AMZ1: variants seen among roughly 807,000 people sequenced by gnomAD.
The protein encoded by AMZ1 is archaelysin family metallopeptidase 1.
In AMZ1, 39 loss-of-function variants were observed where a neutral mutation model predicts 29.9. The ratio of observed to expected loss-of-function variants is 1.30; its 90% CI spans 1.01 to 1.70. The LOEUF (loss-of-function observed/expected upper bound fraction) is 1.70, where lower values mean the gene tolerates loss of function less well. Ranked by LOEUF, AMZ1 falls within the 40% of genes most tolerant of loss-of-function variation. The pLI, the probability that AMZ1 is intolerant of heterozygous loss-of-function variation, is 0.00. For missense variants in AMZ1, 1,041 were observed against 680.6 expected (o/e 1.53, Z -5.89); for synonymous variants, 458 against 304.0 (o/e 1.51, Z -5.27).
intron 4 of AMZ1, among the ~76,000 whole-genome samples, chr7:2,741,737 T>C (rs1170027958): frequency 6.6e-6 from 1 of 151,914 alleles, no homozygotes; most frequent in Non-Finnish European, 1.5e-5. Flanking sequence ...GAGCAAGTTG[T>C]TTACCCCTAA....
rs745552709 is a variant in AMZ1 at position 2,708,667 on chromosome 7, C to T, written c.552C>T (p.Tyr184=). The T allele has an allele frequency of 3.7e-6, 6 of 1,613,192 alleles. No homozygotes were observed. The highest frequency in any genetic ancestry group is 5.1e-6 in the Non-Finnish European group (6 of 1,180,008). ...CVLGLTLSDL[Y]PHEAWSFTFS... ...TGGGCCTCACACTGTCTGACCTGTA[C>T]CCCCATGAGGCCTGGAGCTTCACCT... The change falls in exon 4 of 7, where the codon TAC becomes TAT. Residue 184 remains tyrosine (Y), a synonymous_variant. Coordinates refer to ENST00000683327, the MANE Select transcript of AMZ1 (RefSeq NM_001384743.1).
rs761570592 is a variant in AMZ1, at chr7:2,712,550, C to G, written c.1169C>G (p.Ala390Gly). ...GPEEGLSYLA[A>G]SEAPLPPGGP... ...GAGGAAGGGCTGAGCTACCTGGCAG[C>G]CTCAGAGGCTCCGCTGCCACCTGGG... The change falls in exon 7 of 7, where the codon GCC becomes GGC. Residue 390 changes from alanine (A) to glycine (G), a missense_variant. Ala to Gly is a moderately conservative substitution (Grantham distance 60). Transcript: ENST00000683327. 2 of 1,609,742 alleles carry G rather than the reference C, an allele frequency of 1.2e-6. No homozygotes were observed. The highest frequency in any genetic ancestry group is 3.3e-5 in the Admixed American group (2 of 59,754).
intron 4 of AMZ1, among the ~76,000 whole-genome samples, chr7:2,734,360 C>T (rs1003021683): frequency 2.0e-5 from 3 of 152,234 alleles, no homozygotes; most frequent in Non-Finnish European, 4.4e-5. Flanking sequence ...TTGAACCCTG[C>T]TCTAAAGACA....
At chr7:2,682,999 C>A (rs1355916598) in intron 1 of AMZ1, among the ~76,000 whole-genome samples, 1 of 152,238 alleles carries the variant, frequency 6.6e-6, no homozygotes, top group Non-Finnish European at 1.5e-5. Flanking sequence ...CGCCTGCTGG[C>A]CTTGGAGCAG....
At chr7:2,742,049 T>C (rs188321798) in intron 4 of AMZ1, among the ~76,000 whole-genome samples, 15 of 151,840 alleles carry the variant, frequency 9.9e-5, no homozygotes, top group Admixed American at 9.9e-4. Flanking sequence ...TGAGATGGAG[T>C]CTCACCCTGT....
In AMZ1 at chr7:2,714,900, T is replaced by C. The variant is rs1355595450; in HGVS notation, c.*2022T>C. 4 of 152,192 alleles carry C rather than the reference T, an allele frequency of 2.6e-5. No individual in the cohort carries two copies. The highest frequency in any genetic ancestry group is 5.9e-5 in the Non-Finnish European group (4 of 68,024). 9.4% of individuals were successfully genotyped at this position (152,192 alleles called of 1,614,324 possible). A position where few individuals can be genotyped will look rare whatever the true frequency, so the allele number is the denominator to read the frequency against. On this transcript the variant is annotated 3_prime_UTR_variant, in exon 7 of 7. Coordinates refer to ENST00000683327, the MANE Select transcript of AMZ1 (RefSeq NM_001384743.1). ...GGCTCCTGGTCCCAGTCCCGGAAAA[T>C]GCAAAGGGACAAGTATGTGTTGATT... is the stretch of plus-strand genomic sequence containing the variant.
intron 4 of AMZ1, 106 bp downstream of exon 4, chr7:2,708,822 G>A (rs1322379532): frequency 1.7e-5 from 26 of 1,542,136 alleles, no homozygotes; most frequent in Non-Finnish European, 2.2e-5. Context: ...GCACCCTCCT[G>A]GTGGAAGTCA....
At chr7:2,698,066 C>T (rs1787844235) in intron 1 of AMZ1, among the ~76,000 whole-genome samples, 1 of 152,032 alleles carries the variant, frequency 6.6e-6, no homozygotes, top group Non-Finnish European at 1.5e-5. Flanking sequence ...GGAATATGAG[C>T]ACATATACAT....
At chr7:2,742,420 T>C (rs1790554163) in intron 4 of AMZ1, among the ~76,000 whole-genome samples, 1 of 152,192 alleles carries the variant, frequency 6.6e-6, no homozygotes, top group Non-Finnish European at 1.5e-5. Context: ...TTCCAGTCAG[T>C]GCCACTCCAT....
At chr7:2,757,129 C>CTTTTT (rs71026549) in intron 4 of AMZ1, among the ~76,000 whole-genome samples, 57 of 93,988 alleles carry the variant, frequency 6.1e-4, no homozygotes, top group African/African-American at 2.3e-3. Flanking sequence ...TCAGGTGGGC[C>CTTTTT]TTTTTTTTTT....
intron 4 of AMZ1, chr7:2,728,464 A>G (rs1002820513): frequency 4.6e-5 from 7 of 152,506 alleles, no homozygotes; most frequent in African/African-American, 1.7e-4. Flanking sequence ...AAATCCTTGA[A>G]ACAATTTCTC....
At chr7:2,734,225 C>T (rs147133035) in intron 4 of AMZ1, among the ~76,000 whole-genome samples, 234 of 152,300 alleles carry the variant, frequency 1.5e-3, no homozygotes, top group African/African-American at 5.1e-3. Flanking sequence ...ACACGGGGCA[C>T]GGGAGGAGCC....
chr7:2,682,173 G>C (rs886692760), intron 1 of AMZ1, among the ~76,000 whole-genome samples: 5 of 152,190 alleles, frequency 3.3e-5, no homozygotes, highest in African/African-American at 9.7e-5. Context: ...GCCGGGGCCA[G>C]GGCCAGCTGA....
intron 4 of AMZ1, among the ~76,000 whole-genome samples, chr7:2,735,020 C>T (rs776876945): frequency 4.6e-5 from 7 of 152,296 alleles, no homozygotes; most frequent in Admixed American, 1.3e-4. Context: ...GCCGCCTTCC[C>T]GTGGCTGTGC....
intron 6 of AMZ1, among the ~76,000 whole-genome samples, chr7:2,712,063 G>C (rs565211655): frequency 5.2e-4 from 72 of 138,266 alleles, no homozygotes; most frequent in Admixed American, 9.2e-4. Context: ...ATCGAAAAAT[G>C]TTAAGTGTTC....
rs766987115 is a variant in AMZ1 at position 2,716,798 on chromosome 7, A to ACAT, written c.*3928_*3930dup. 4.2e-4 allele frequency among the ~76,000 whole-genome samples: 64 copies of ACAT among 152,168 alleles called. No homozygotes were observed. Among genetic ancestry groups the ACAT allele is most frequent in the African/African-American group, 1.5e-3 (61 of 41,432 alleles). ...CCTTCCTATGTAACGGAATTTTTTT[A>ACAT]CATCATCATCGAGTCTCGAAATGAC... On this transcript the variant is annotated 3_prime_UTR_variant, in exon 7 of 7. Coordinates refer to ENST00000683327, the MANE Select transcript of AMZ1 (RefSeq NM_001384743.1).
intron 1 of AMZ1, among the ~76,000 whole-genome samples, chr7:2,696,508 G>C (rs62439535): frequency 0.028 from 4,274 of 150,874 alleles, 133 homozygotes; most frequent in East Asian, 0.16. Context: ...CTGCCCGCCT[G>C]GGCCTCCCAA....
intron 4 of AMZ1, among the ~76,000 whole-genome samples, chr7:2,737,812 TAATA>T (rs1362304678): frequency 3.9e-5 from 6 of 152,346 alleles, no homozygotes; most frequent in African/African-American, 7.2e-5. Flanking sequence ...TTTCATTACT[TAATA>T]AATAAATATT....
rs559567205 is a variant in AMZ1 at position 2,708,682 on chromosome 7, G to T, written c.567G>T (p.Trp189Cys). ...TLSDLYPHEA[W>C]SFTFSKFLPG... is the part of the protein sequence containing the mutation. ...CTGACCTGTACCCCCATGAGGCCTGGAGCTTCACCTTCAGCAAGTTCCTTC... is the reference window on the plus strand; with the variant it reads ...CTGACCTGTACCCCCATGAGGCCTGTAGCTTCACCTTCAGCAAGTTCCTTC... The change falls in exon 4 of 7, where the codon TGG (tryptophan) becomes TGT (cysteine). Residue 189 changes from tryptophan to cysteine, a missense_variant. Physicochemically the swap from Trp to Cys is radical, Grantham distance 215. Transcript: ENST00000683327. The T allele has an allele frequency of 4.3e-6, 7 of 1,613,132 alleles. No homozygotes were observed. Among genetic ancestry groups the T allele is most frequent in the Non-Finnish European group, 5.1e-6 (6 of 1,180,000 alleles).
Sources: allele counts gnomAD v4.1 joint callset (sites outside exome capture counted in the v4.1 genomes callset), GRCh38; gene constraint gnomAD v4.1.1; transcripts MANE v1.5; gene names NCBI Gene and HGNC (gene_info 2026-07-23, HGNC 2026-07-21).